Variants in CNTNAP2 observed in about 807,000 individuals in gnomAD.
CNTNAP2 encodes the protein contactin associated protein 2.
A neutral mutation model predicts 155.2 loss-of-function variants in CNTNAP2; 98 were observed. The observed-to-expected ratio is 0.63, with a 90% CI of 0.54 to 0.75. The LOEUF (loss-of-function observed/expected upper bound fraction) is 0.75. Among genes scored for constraint, CNTNAP2 ranks in the 30% least tolerant of loss-of-function variants. CNTNAP2 has a pLI of 0.00. For synonymous variants in CNTNAP2, 651 were observed against 631.2 expected (o/e 1.03, Z -0.47); for missense variants, 1,727 against 1,688.1 (o/e 1.02, Z -0.40).
chr7:147,299,934 A>C (rs1794910544), intron 8 of CNTNAP2, among the ~76,000 whole-genome samples: 1 of 152,128 alleles, frequency 6.6e-6, no homozygotes, highest in South Asian at 2.1e-4. Context: ...TGATTGGGTT[A>C]TATTATGCCT....
Position 148,294,154 on chromosome 7 carries a change from C to T in CNTNAP2, c.3475+27028C>T, listed in dbSNP as rs142583283. Among the ~76,000 whole-genome samples, 27 of 150,714 alleles carry T rather than the reference C, an allele frequency of 1.8e-4. No homozygotes were observed. The East Asian group carries it at 5.3e-3, about 29-fold the overall frequency. On this transcript the variant is annotated intron_variant, in intron 21 of 23. Coordinates refer to ENST00000361727, the MANE Select transcript of CNTNAP2 (RefSeq NM_014141.6). ...TGTATGCCATGCCTCGAGCCCTGAA[C>T]AGGCTACTCATCTGTGGCCAATATT...
intron 15 of CNTNAP2, among the ~76,000 whole-genome samples, chr7:148,071,868 T>C (rs1409721779): frequency 6.6e-6 from 1 of 152,200 alleles, no homozygotes; most frequent in Non-Finnish European, 1.5e-5. Context: ...GAGAAGTCAT[T>C]TGAAAATTCA....
chr7:147,677,262 T>A (rs1036934095), intron 13 of CNTNAP2, among the ~76,000 whole-genome samples: 1 of 151,926 alleles, frequency 6.6e-6, no homozygotes, highest in Non-Finnish European at 1.5e-5. Context: ...TGATTAGTGA[T>A]GTTGAGCATT....
intron 3 of CNTNAP2, among the ~76,000 whole-genome samples, chr7:146,911,906 T>C (rs1042296478): frequency 3.9e-5 from 6 of 152,146 alleles, no homozygotes; most frequent in African/African-American, 1.4e-4. Flanking sequence ...CAAACACACA[T>C]AGAATTTCAT....
chr7:147,762,070 A>G (rs1797310005), intron 13 of CNTNAP2, among the ~76,000 whole-genome samples: 1 of 152,006 alleles, frequency 6.6e-6, no homozygotes, highest in South Asian at 2.1e-4. Flanking sequence ...AGTCTCACTA[A>G]TATTTGAAGT....
chr7:147,465,491 G>A lies in CNTNAP2; in HGVS notation c.1671-20444G>A, dbSNP rs573674559. On this transcript the variant is annotated intron_variant, in intron 10 of 23. Coordinates refer to ENST00000361727, the MANE Select transcript of CNTNAP2 (RefSeq NM_014141.6). The stretch of plus-strand genomic sequence containing the variant: ...CATAGAAACATTTTTTATATTATGC[G>A]CATAAATTGTGTTCTCATAGGGAGA... Among the ~76,000 whole-genome samples the A allele has an allele frequency of 5.9e-4, 89 of 151,832 alleles. 1 individual carries two copies. The highest frequency in any genetic ancestry group is 1.0e-3 in the Non-Finnish European group (69 of 67,990).
At chr7:146,843,307 C>T (rs1217404510) in intron 3 of CNTNAP2, among the ~76,000 whole-genome samples, 3 of 150,716 alleles carry the variant, frequency 2.0e-5, no homozygotes, top group Non-Finnish European at 4.4e-5. Flanking sequence ...CCACCGCGCC[C>T]GGCCCTGTCC....
At chr7:147,829,297 GAGTT>G (rs965222103) in intron 13 of CNTNAP2, among the ~76,000 whole-genome samples, 3 of 152,134 alleles carry the variant, frequency 2.0e-5, no homozygotes, top group Non-Finnish European at 4.4e-5. Flanking sequence ...CATGCCACAG[GAGTT>G]AGTTTCAGTT....
intron 18 of CNTNAP2, among the ~76,000 whole-genome samples, chr7:148,192,881 GT>G (rs1795222999): frequency 6.6e-6 from 1 of 152,118 alleles, no homozygotes; most frequent in African/African-American, 2.4e-5. Context: ...ATGATTGAAA[GT>G]TCTTTGCATT....
At chr7:147,622,937 C>A (rs549392150) in intron 12 of CNTNAP2, among the ~76,000 whole-genome samples, 1 of 151,996 alleles carries the variant, frequency 6.6e-6, no homozygotes, top group Admixed American at 6.6e-5. Context: ...GGAGACATTA[C>A]AACTGATACC....
intron 1 of CNTNAP2, among the ~76,000 whole-genome samples, chr7:146,499,220 T>C (rs900687070): frequency 3.9e-5 from 6 of 152,190 alleles, no homozygotes; most frequent in Non-Finnish European, 7.3e-5. Context: ...TTTTGCTCTC[T>C]TGCCCAGGCT....
At chr7:146,602,887 T>C (rs1798973035) in intron 1 of CNTNAP2, among the ~76,000 whole-genome samples, 1 of 151,794 alleles carries the variant, frequency 6.6e-6, no homozygotes, top group South Asian at 2.1e-4. Context: ...GGTCATTCTA[T>C]CTTGGAGGTC....
intron 23 of CNTNAP2, among the ~76,000 whole-genome samples, chr7:148,409,682 C>T (rs1045296610): frequency 1.3e-5 from 2 of 151,474 alleles, no homozygotes; most frequent in Admixed American, 1.3e-4. Flanking sequence ...TTTGGGAGGC[C>T]GAGGTGGGCA....
At chr7:146,891,848 AT>A (rs541821817) in intron 3 of CNTNAP2, among the ~76,000 whole-genome samples, 1 of 152,018 alleles carries the variant, frequency 6.6e-6, no homozygotes, top group African/African-American at 2.4e-5. Flanking sequence ...AATGGTATCC[AT>A]TTTTTTATTC....
chr7:148,095,335 G>A (rs991119743), intron 15 of CNTNAP2, among the ~76,000 whole-genome samples: 2 of 152,176 alleles, frequency 1.3e-5, no homozygotes, highest in Admixed American at 6.5e-5. Flanking sequence ...TTGGCAGATC[G>A]TCCCTGTGTT....
intron 12 of CNTNAP2, among the ~76,000 whole-genome samples, chr7:147,633,949 A>AAAAAATC (rs1264933996): frequency 6.6e-6 from 1 of 152,216 alleles, no homozygotes; most frequent in African/African-American, 2.4e-5. Flanking sequence ...TTAAAAAATC[A>AAAAAATC]AAAAATAACA....
rs184136560 is a variant in CNTNAP2 at position 146,362,190 on chromosome 7, G to A, written c.97+245217G>A. Among the ~76,000 whole-genome samples the A allele has an allele frequency of 9.3e-4, 141 of 152,230 alleles. 1 individual carries two copies. Among genetic ancestry groups the A allele is most frequent in the East Asian group, 9.7e-4 (5 of 5,168 alleles). ...TTACTATATGTTATTTGCTCATAAT[G>A]TACAAATAGTTTTGAGTGCCTATTA... On this transcript the variant is annotated intron_variant, in intron 1 of 23. Transcript: ENST00000361727.
chr7:146,642,211 G>C (rs1163378011), intron 1 of CNTNAP2, among the ~76,000 whole-genome samples: 1 of 151,118 alleles, frequency 6.6e-6, no homozygotes. Flanking sequence ...ACAATGTGCA[G>C]GTTAGTTACA....
intron 8 of CNTNAP2, among the ~76,000 whole-genome samples, chr7:147,280,404 T>C (rs745640154): frequency 9.2e-5 from 14 of 151,952 alleles, no homozygotes; most frequent in Non-Finnish European, 1.8e-4. Context: ...AAATCTCTCG[T>C]AGAAGTCATG....
Sources: allele counts gnomAD v4.1 joint callset (sites outside exome capture counted in the v4.1 genomes callset), GRCh38; gene constraint gnomAD v4.1.1; transcripts MANE v1.5; gene names NCBI Gene and HGNC (gene_info 2026-07-23, HGNC 2026-07-21).